Variants in FBXW7 observed in about 807,000 individuals in gnomAD.
The protein encoded by FBXW7 is F-box and WD repeat domain containing 7.
FBXW7 carries 11 observed loss-of-function variants against 86.3 expected under a neutral mutation model. The ratio of observed to expected loss-of-function variants is 0.13; its 90% confidence interval spans 0.08 to 0.21. FBXW7 has a LOEUF of 0.21. FBXW7 is among the 10% of genes least tolerant of loss of function. FBXW7 has a pLI of 1.00. For synonymous variants in FBXW7, 313 were observed against 297.9 expected (o/e 1.05, Z -0.52); for missense variants, 488 against 847.4 (o/e 0.58, Z 5.27).
intron 2 of FBXW7, among the ~76,000 whole-genome samples, chr4:152,488,564 T>G (rs1365512050): frequency 6.6e-6 from 1 of 152,092 alleles, no homozygotes; most frequent in Non-Finnish European, 1.5e-5. Context: ...TTTTGCCACA[T>G]GAACTTAAAA....
intron 2 of FBXW7, among the ~76,000 whole-genome samples, chr4:152,435,736 TA>T (rs1409475362): frequency 6.6e-6 from 1 of 152,242 alleles, no homozygotes; most frequent in Non-Finnish European, 1.5e-5. Flanking sequence ...ACAAATAGTA[TA>T]TTTTTTTAAA....
chr4:152,425,446 A>G (rs1238094685), intron 2 of FBXW7, among the ~76,000 whole-genome samples: 1 of 152,152 alleles, frequency 6.6e-6, no homozygotes, highest in African/African-American at 2.4e-5. Flanking sequence ...TACCCACCTT[A>G]AATATTGTAT....
intron 2 of FBXW7, among the ~76,000 whole-genome samples, chr4:152,467,668 T>C (rs1215063786): frequency 6.6e-6 from 1 of 152,216 alleles, no homozygotes; most frequent in Non-Finnish European, 1.5e-5. Flanking sequence ...CTTTGGGCTT[T>C]GACTGTCAAA....
At chr4:152,468,159 T>C (rs1407095574) in intron 2 of FBXW7, among the ~76,000 whole-genome samples, 1 of 152,046 alleles carries the variant, frequency 6.6e-6, no homozygotes, top group African/African-American at 2.4e-5. Context: ...GTTTATGAGG[T>C]CGTGGAGAAA....
At chr4:152,348,507 A>G (rs1439438587) in intron 5 of FBXW7, among the ~76,000 whole-genome samples, 1 of 152,078 alleles carries the variant, frequency 6.6e-6, no homozygotes, top group Non-Finnish European at 1.5e-5. Flanking sequence ...TTGCTTTAAT[A>G]AAATTATATA....
At chr4:152,480,900 G>C (rs556257239) in intron 2 of FBXW7, among the ~76,000 whole-genome samples, 2 of 152,312 alleles carry the variant, frequency 1.3e-5, no homozygotes, top group African/African-American at 4.8e-5. Flanking sequence ...CTCCATAAAA[G>C]TACAAGATGA....
chr4:152,352,641 A>T, intron 4 of FBXW7: 1 of 1,613,896 alleles, frequency 6.2e-7, no homozygotes, highest in Admixed American at 1.7e-5. Context: ...GGCACGTCAG[A>T]AAAGGAAGAT....
intron 2 of FBXW7, among the ~76,000 whole-genome samples, chr4:152,462,784 T>C (rs1455012720): frequency 6.6e-6 from 1 of 152,226 alleles, no homozygotes; most frequent in Non-Finnish European, 1.5e-5. Flanking sequence ...CATCACTGCA[T>C]TCTTAAAAGA....
intron 2 of FBXW7, among the ~76,000 whole-genome samples, chr4:152,519,323 G>T (rs35660985): frequency 0.038 from 5,693 of 151,298 alleles, 131 homozygotes; most frequent in East Asian, 0.07. Flanking sequence ...AATAAATAAA[G>T]AAAGAAAGAA....
intron 12 of FBXW7, chr4:152,325,654 G>A (rs1728951859): frequency 4.7e-6 from 1 of 213,752 alleles, no homozygotes; most frequent in Admixed American, 5.1e-5. Flanking sequence ...CAAAGGGGCA[G>A]CTTTTGGCCA....
At chr4:152,352,687 A>C (rs774749921) in intron 4 of FBXW7, 2 of 1,613,916 alleles carry the variant, frequency 1.2e-6, no homozygotes, top group Admixed American at 3.3e-5. Flanking sequence ...TCCACAGTAA[A>C]GGCAAATGCA....
chr4:152,522,016 T>A (rs1749066873), intron 2 of FBXW7, among the ~76,000 whole-genome samples: 1 of 151,748 alleles, frequency 6.6e-6, no homozygotes, highest in Non-Finnish European at 1.5e-5. Context: ...GGGTCCAATT[T>A]TAAACAGTAA....
chr4:152,391,962 T>A (rs1297562477), intron 4 of FBXW7, among the ~76,000 whole-genome samples: 1 of 152,134 alleles, frequency 6.6e-6, no homozygotes, highest in African/African-American at 2.4e-5. Context: ...GATATGTAAG[T>A]TTGTCAGATA....
At chr4:152,462,617 A>C (rs1398334320) in intron 2 of FBXW7, among the ~76,000 whole-genome samples, 1 of 152,242 alleles carries the variant, frequency 6.6e-6, no homozygotes, top group African/African-American at 2.4e-5. Flanking sequence ...GAAAGCCACA[A>C]ACATACAATT....
chr4:152,325,927 A>C (rs1728975448), intron 12 of FBXW7, 79 bp downstream of exon 12: 2 of 1,187,010 alleles, frequency 1.7e-6, no homozygotes, highest in Non-Finnish European at 2.5e-6. Flanking sequence ...CTGGATCAGC[A>C]ATTTGACAGT....
intron 4 of FBXW7, among the ~76,000 whole-genome samples, chr4:152,386,591 C>T (rs1157910359): frequency 6.6e-6 from 1 of 151,916 alleles, no homozygotes; most frequent in Non-Finnish European, 1.5e-5. Context: ...TATTTTAAAA[C>T]ATATTATTTG....
chr4:152,326,692 C>T (rs1423786478), intron 11 of FBXW7, among the ~76,000 whole-genome samples: 1 of 151,816 alleles, frequency 6.6e-6, no homozygotes, highest in Non-Finnish European at 1.5e-5. Flanking sequence ...TGCCATTTTC[C>T]AAAATTTCAA....
At chr4:152,371,053 G>A (rs1012229808) in intron 4 of FBXW7, among the ~76,000 whole-genome samples, 1 of 151,822 alleles carries the variant, frequency 6.6e-6, no homozygotes, top group African/African-American at 2.4e-5. Context: ...GGAAATAACT[G>A]AATTGAAACT....
intron 4 of FBXW7, among the ~76,000 whole-genome samples, chr4:152,361,691 T>A (rs1357730921): frequency 3.9e-5 from 6 of 152,106 alleles, no homozygotes; most frequent in African/African-American, 1.4e-4. Context: ...GAAAACTAAC[T>A]TTTGACAGGC....
Sources: allele counts gnomAD v4.1 joint callset (sites outside exome capture counted in the v4.1 genomes callset), GRCh38; gene constraint gnomAD v4.1.1; transcripts MANE v1.5; gene names NCBI Gene and HGNC (gene_info 2026-07-23, HGNC 2026-07-21).